The following FSTL4 variants were observed in gnomAD, a reference collection of about 807,000 sequenced individuals.
FSTL4 encodes follistatin like 4.
In FSTL4, 28 loss-of-function variants were observed where a neutral mutation model predicts 78.2. The ratio of observed to expected loss-of-function variants is 0.36; its 90% CI spans 0.27 to 0.49. The LOEUF is 0.49. Ranked by LOEUF, FSTL4 falls within the 20% of genes least tolerant of loss-of-function variation. FSTL4 has a pLI of 0.98. For synonymous variants in FSTL4, 422 were observed against 440.5 expected (o/e 0.96, Z 0.53); for missense variants, 922 against 1,084.9 (o/e 0.85, Z 2.11).
intron 14 of FSTL4, among the ~76,000 whole-genome samples, chr5:133,207,363 G>A (rs1750552475): frequency 6.6e-6 from 1 of 152,166 alleles, no homozygotes. Flanking sequence ...TACCATGCAT[G>A]CATGCTTTTT....
chr5:133,449,038 A>G (rs1278379094), intron 3 of FSTL4, among the ~76,000 whole-genome samples: 1 of 152,152 alleles, frequency 6.6e-6, no homozygotes, highest in Non-Finnish European at 1.5e-5. Flanking sequence ...TATATTATAT[A>G]GACAGGGGTT....
chr5:133,452,273 T>G (rs547143993), intron 3 of FSTL4, among the ~76,000 whole-genome samples: 1 of 152,256 alleles, frequency 6.6e-6, no homozygotes, highest in Admixed American at 6.5e-5. Flanking sequence ...TAAGAAGATA[T>G]AGACTATTCT....
At chr5:133,620,218 G>T in the FSTL4 span, among the ~76,000 whole-genome samples, 1 of 152,120 alleles carries the variant, frequency 6.6e-6, no homozygotes, top group Non-Finnish European at 1.5e-5. Context: ...TTAAAACACT[G>T]CCATTTTATT....
chr5:133,563,089 C>T (rs1759955111), intron 3 of FSTL4, among the ~76,000 whole-genome samples: 1 of 152,188 alleles, frequency 6.6e-6, no homozygotes, highest in Admixed American at 6.5e-5. Context: ...CCATGCAGCT[C>T]ATATAGGGAG....
At chr5:133,717,843 T>C in the FSTL4 span, among the ~76,000 whole-genome samples, 2 of 152,244 alleles carry the variant, frequency 1.3e-5, no homozygotes, top group African/African-American at 2.4e-5. Context: ...ATTAGGATTG[T>C]TGCCAGTTTT....
intron 3 of FSTL4, among the ~76,000 whole-genome samples, chr5:133,486,408 G>T (rs972305577): frequency 3.3e-5 from 5 of 151,636 alleles, no homozygotes; most frequent in African/African-American, 1.2e-4. Flanking sequence ...AGAGACGGCA[G>T]AGGAGGGGGG....
At chr5:133,649,536 G>C in the FSTL4 span, among the ~76,000 whole-genome samples, 1 of 152,120 alleles carries the variant, frequency 6.6e-6, no homozygotes, top group African/African-American at 2.4e-5. Context: ...TCAGCGTACT[G>C]GGTTTTGACC....
the FSTL4 span, among the ~76,000 whole-genome samples, chr5:133,747,953 G>T: frequency 0.88 from 133,753 of 152,164 alleles, 59,160 homozygotes; most frequent in East Asian, 0.99. Flanking sequence ...TCCTAGCACT[G>T]TGGGAGGCTG....
At chr5:133,260,070 T>C (rs1752481916) in intron 6 of FSTL4, among the ~76,000 whole-genome samples, 1 of 152,242 alleles carries the variant, frequency 6.6e-6, no homozygotes, top group South Asian at 2.1e-4. Context: ...TTCTTGTTAC[T>C]AAAAACCCTC....
intron 3 of FSTL4, among the ~76,000 whole-genome samples, chr5:133,503,799 G>A (rs935787288): frequency 4.6e-5 from 7 of 152,176 alleles, no homozygotes; most frequent in South Asian, 2.1e-4. Flanking sequence ...CTAAACCAGA[G>A]TCCATCATTG....
intron 4 of FSTL4, among the ~76,000 whole-genome samples, chr5:133,392,183 G>T (rs2126962252): frequency 6.6e-6 from 1 of 152,328 alleles, no homozygotes; most frequent in South Asian, 2.1e-4. Flanking sequence ...GCCAGGAGAT[G>T]ATGGTGGGAT....
At chr5:133,280,318 G>A (rs1309045728) in intron 6 of FSTL4, among the ~76,000 whole-genome samples, 1 of 152,146 alleles carries the variant, frequency 6.6e-6, no homozygotes, top group Non-Finnish European at 1.5e-5. Context: ...GAGGGGGTGA[G>A]GGGAGAGACC....
intron 3 of FSTL4, among the ~76,000 whole-genome samples, chr5:133,518,114 C>A (rs144185022): frequency 1.3e-5 from 2 of 152,036 alleles, no homozygotes; most frequent in African/African-American, 4.8e-5. Context: ...TGCATATAAA[C>A]GAATGCTGAT....
chr5:133,746,644 C>A, the FSTL4 span, among the ~76,000 whole-genome samples: 1 of 152,010 alleles, frequency 6.6e-6, no homozygotes, highest in East Asian at 1.9e-4. Flanking sequence ...ACACCAATTA[C>A]AAGCTAAATG....
At chr5:133,407,279 A>G (rs1756385392) in intron 3 of FSTL4, among the ~76,000 whole-genome samples, 1 of 152,302 alleles carries the variant, frequency 6.6e-6, no homozygotes, top group Admixed American at 6.5e-5. Flanking sequence ...ACCTCCCACT[A>G]TGATGTTTCC....
chr5:133,459,069 C>T (rs1342403925), intron 3 of FSTL4, among the ~76,000 whole-genome samples: 1 of 152,194 alleles, frequency 6.6e-6, no homozygotes, highest in African/African-American at 2.4e-5. Context: ...CAGACCCCAC[C>T]TGCCTCTGGA....
intron 3 of FSTL4, among the ~76,000 whole-genome samples, chr5:133,464,760 C>T (rs914603180): frequency 2.6e-5 from 4 of 152,310 alleles, no homozygotes; most frequent in South Asian, 2.1e-4. Flanking sequence ...AGGATTTGAT[C>T]GGGGAAATTC....
chr5:133,235,166 A>G (rs138940442), intron 7 of FSTL4, among the ~76,000 whole-genome samples: 2 of 152,148 alleles, frequency 1.3e-5, no homozygotes, highest in African/African-American at 2.4e-5. Context: ...CCCGGCCACA[A>G]TGGTCCCGAA....
the FSTL4 span, among the ~76,000 whole-genome samples, chr5:133,621,813 ATTTTT>A: frequency 5.3e-4 from 80 of 152,288 alleles, no homozygotes; most frequent in East Asian, 0.014. Flanking sequence ...TCACTTAGTG[ATTTTT>A]TTATTTTTTT....
Sources: gnomAD v4.1 joint callset for allele counts (sites outside exome capture counted in the v4.1 genomes callset) on GRCh38, gnomAD v4.1.1 for gene constraint, MANE v1.5 for transcripts, NCBI Gene and HGNC (gene_info 2026-07-23, HGNC 2026-07-21) for gene names.